CSMD3: variants seen among roughly 807,000 people sequenced by gnomAD.
CSMD3 encodes CUB and sushi domain-containing protein 3.
Under a neutral mutation model 435.2 loss-of-function variants are expected in CSMD3, and 177 were observed. That is an observed-to-expected ratio of 0.41 (90% CI 0.36 to 0.46). The LOEUF (loss-of-function observed/expected upper bound fraction) is 0.46, where lower values mean the gene tolerates loss of function less well. CSMD3 is among the 20% of genes least tolerant of loss of function. CSMD3 has a pLI of 0.34. For synonymous variants in CSMD3, 1,656 were observed against 1,520.5 expected (o/e 1.09, Z -2.07); for missense variants, 4,265 against 4,504.6 (o/e 0.95, Z 1.52).
At chr8:112,942,433 C>T (rs866995125) in intron 9 of CSMD3, among the ~76,000 whole-genome samples, 1 of 151,590 alleles carries the variant, frequency 6.6e-6, no homozygotes. Context: ...TGCAGAACTA[C>T]TCACAATAGC....
intron 5 of CSMD3, among the ~76,000 whole-genome samples, chr8:113,029,850 A>T (rs1343851403): frequency 6.6e-6 from 1 of 151,484 alleles, no homozygotes; most frequent in East Asian, 1.9e-4. Context: ...CTGTTTGCTG[A>T]TGATATGATT....
intron 9 of CSMD3, among the ~76,000 whole-genome samples, chr8:112,946,544 A>G (rs572273028): frequency 1.2e-4 from 18 of 151,772 alleles, no homozygotes; most frequent in Non-Finnish European, 2.2e-4. Context: ...TAAAATAGTA[A>G]GTGCTTATAA....
chr8:113,235,731 C>T (rs1358640367), intron 3 of CSMD3, among the ~76,000 whole-genome samples: 1 of 152,128 alleles, frequency 6.6e-6, no homozygotes, highest in African/African-American at 2.4e-5. Flanking sequence ...AGGTAGGCAG[C>T]ACCATCCAAT....
chr8:113,181,346 G>C (rs1417877924), intron 3 of CSMD3, among the ~76,000 whole-genome samples: 2 of 152,056 alleles, frequency 1.3e-5, no homozygotes, highest in African/African-American at 4.8e-5. Flanking sequence ...TTTATGCTAT[G>C]TTGGTAATGT....
chr8:112,537,383 T>C (rs1180692852), intron 27 of CSMD3, among the ~76,000 whole-genome samples: 1 of 143,902 alleles, frequency 6.9e-6, no homozygotes, highest in Non-Finnish European at 1.5e-5. Context: ...AGGAAAGAAA[T>C]TATAAAGATC....
In CSMD3 at chr8:112,260,278, C is replaced by T. The variant is rs541569607; in HGVS notation, c.9862+3361G>A. ...CAATCCATACTCTGCCATTTTCTAGCGGTATGACCTTAGGCCTTATGACAA... is the reference window on the plus strand; with the variant it reads ...CAATCCATACTCTGCCATTTTCTAGTGGTATGACCTTAGGCCTTATGACAA... On this transcript the variant is annotated intron_variant, in intron 61 of 70. Transcript: ENST00000297405. Among the ~76,000 whole-genome samples the T allele has an allele frequency of 5.5e-4, 84 of 152,208 alleles. 1 individual carries two copies. The highest frequency in any genetic ancestry group is 6.8e-3 in the Middle Eastern group (2 of 294).
At chr8:113,355,770 G>GGGGTGT (rs1554618985) in intron 1 of CSMD3, among the ~76,000 whole-genome samples, 1 of 10,368 alleles carries the variant, frequency 9.6e-5, no homozygotes, top group South Asian at 4.0e-3. Flanking sequence ...ACACACACGG[G>GGGGTGT]GTGTGTGTGT....
At chr8:113,134,322 G>T (rs1382687984) in intron 4 of CSMD3, among the ~76,000 whole-genome samples, 10 of 151,836 alleles carry the variant, frequency 6.6e-5, no homozygotes, top group Non-Finnish European at 1.5e-4. Flanking sequence ...CTTTTATTTT[G>T]ATTTAAAAGG....
At chr8:112,259,803 A>T (rs1816207622) in intron 61 of CSMD3, among the ~76,000 whole-genome samples, 1 of 152,152 alleles carries the variant, frequency 6.6e-6, no homozygotes, top group African/African-American at 2.4e-5. Flanking sequence ...ATCTTTGTAT[A>T]TTCAGTACAT....
At chr8:112,288,502 T>A (rs1819438192) in intron 57 of CSMD3, among the ~76,000 whole-genome samples, 1 of 152,066 alleles carries the variant, frequency 6.6e-6, no homozygotes, top group Non-Finnish European at 1.5e-5. Flanking sequence ...TTCACTGCTT[T>A]TAACTCTAAA....
chr8:112,829,655 C>T, intron 12 of CSMD3, 31 bp downstream of exon 12: 2 of 1,327,146 alleles, frequency 1.5e-6, no homozygotes, highest in Non-Finnish European at 2.2e-6. Flanking sequence ...ACCCGATAGG[C>T]TAAGGCAAAA....
intron 10 of CSMD3, among the ~76,000 whole-genome samples, chr8:112,869,595 C>A (rs1266003170): frequency 6.6e-6 from 1 of 152,140 alleles, no homozygotes; most frequent in Non-Finnish European, 1.5e-5. Flanking sequence ...GTGTTTACTG[C>A]AGCACTATTT....
At chr8:113,096,356 C>A (rs2090162251) in intron 5 of CSMD3, among the ~76,000 whole-genome samples, 1 of 152,104 alleles carries the variant, frequency 6.6e-6, no homozygotes, top group Admixed American at 6.6e-5. Flanking sequence ...TAGAGATATT[C>A]TTTAGAGCTA....
intron 45 of CSMD3, among the ~76,000 whole-genome samples, chr8:112,332,672 C>T (rs979389121): frequency 6.6e-5 from 10 of 152,114 alleles, no homozygotes; most frequent in African/African-American, 2.4e-4. Context: ...TGGGTAGAAT[C>T]TCCATAGCTG....
chr8:112,558,316 G>T (rs1429739669), intron 24 of CSMD3, among the ~76,000 whole-genome samples: 1 of 151,794 alleles, frequency 6.6e-6, no homozygotes, highest in African/African-American at 2.4e-5. Context: ...CATTCCATAG[G>T]GGTCCTGCCC....
Position 112,304,992 on chromosome 8 carries a change from T to C in CSMD3, c.8072-77A>G, listed in dbSNP as rs1451062778. 1.5e-5 allele frequency: 16 copies of C among 1,044,178 alleles called. No individual in the cohort carries two copies. The East Asian group carries it at 3.8e-4, about 25-fold the overall frequency. The allele number at this position is 1,044,178 out of a possible 1,614,324, so 64.7% of individuals were successfully genotyped here. The stretch of plus-strand genomic sequence containing the variant: ...TCTATTCCATTCTTTACATCTCCAC[T>C]GACCTAATTCACTTACTCTTGCACT... On this transcript the variant is annotated intron_variant, in intron 51 of 70. Coordinates refer to ENST00000297405, the MANE Select transcript of CSMD3 (RefSeq NM_198123.2).
chr8:113,196,493 T>C (rs2092657458), intron 3 of CSMD3, among the ~76,000 whole-genome samples: 1 of 151,252 alleles, frequency 6.6e-6, no homozygotes, highest in Admixed American at 6.6e-5. Context: ...CTTGTAAACA[T>C]TGTTGATTAC....
At chr8:112,276,263 C>T (rs893897309) in intron 59 of CSMD3, among the ~76,000 whole-genome samples, 2 of 152,220 alleles carry the variant, frequency 1.3e-5, no homozygotes, top group Non-Finnish European at 2.9e-5. Context: ...GGCAGCTCCA[C>T]CCCTGTGGCT....
intron 7 of CSMD3, among the ~76,000 whole-genome samples, chr8:112,966,132 T>C (rs2084406338): frequency 6.6e-6 from 1 of 151,768 alleles, no homozygotes; most frequent in Non-Finnish European, 1.5e-5. Context: ...ATTCCCCTAT[T>C]TTTTGTATTC....
Sources: allele counts gnomAD v4.1 joint callset (sites outside exome capture counted in the v4.1 genomes callset), GRCh38; gene constraint gnomAD v4.1.1; transcripts MANE v1.5; gene names NCBI Gene and HGNC (gene_info 2026-07-23, HGNC 2026-07-21).